The following MYT1L variants were observed in gnomAD, a reference collection of about 807,000 sequenced individuals.
MYT1L encodes the protein myelin transcription factor 1-like protein.
In MYT1L, 12 loss-of-function variants were observed where a neutral mutation model predicts 126.7. That is an observed-to-expected ratio of 0.09 (90% CI 0.06 to 0.15). MYT1L has a LOEUF of 0.15. MYT1L is among the 10% of genes least tolerant of loss of function. The pLI, the probability that MYT1L is intolerant of heterozygous loss-of-function variation, is 1.00. For synonymous variants in MYT1L, 541 were observed against 604.2 expected (o/e 0.90, Z 1.53); for missense variants, 979 against 1,585.2 (o/e 0.62, Z 6.49).
chr2:2,287,073 A>T (rs1039748531), intron 1 of MYT1L, among the ~76,000 whole-genome samples: 2 of 152,142 alleles, frequency 1.3e-5, no homozygotes, highest in Admixed American at 6.5e-5. Context: ...TCTGACCAAC[A>T]TGGAGAAACC....
chr2:1,851,585 C>T, intron 19 of MYT1L, 56 bp downstream of exon 19: 1 of 1,524,822 alleles, frequency 6.6e-7, no homozygotes, highest in Non-Finnish European at 9.1e-7. Flanking sequence ...GAGTGATATT[C>T]CTGCCATTTC....
chr2:1,886,434 A>G, intron 18 of MYT1L, 105 bp downstream of exon 18: 6 of 811,902 alleles, frequency 7.4e-6, no homozygotes, highest in Non-Finnish European at 1.1e-5. Context: ...TGCACAGGCC[A>G]TGTTTTTTAA....
chr2:2,141,662 T>C (rs1353621048), intron 3 of MYT1L, among the ~76,000 whole-genome samples: 1 of 152,198 alleles, frequency 6.6e-6, no homozygotes, highest in Non-Finnish European at 1.5e-5. Context: ...GGGCCAATAA[T>C]AGTTTCTGGC....
intron 3 of MYT1L, among the ~76,000 whole-genome samples, chr2:2,122,523 T>C (rs2147909077): frequency 6.6e-6 from 1 of 152,258 alleles, no homozygotes; most frequent in African/African-American, 2.4e-5. Flanking sequence ...ACATAACACA[T>C]GTGTAACACG....
intron 10 of MYT1L, among the ~76,000 whole-genome samples, chr2:1,920,485 C>T (rs563635336): frequency 2.6e-5 from 4 of 151,842 alleles, no homozygotes; most frequent in South Asian, 2.1e-4. Context: ...ATTTAGGATC[C>T]GGGAGTCTAA....
At chr2:1,841,852 G>A (rs2041772341) in intron 19 of MYT1L, 1 of 152,214 alleles carries the variant, frequency 6.6e-6, no homozygotes, top group Admixed American at 6.5e-5. Flanking sequence ...CAGGCTTCGG[G>A]TTGTGCCTGC....
intron 19 of MYT1L, chr2:1,842,962 C>CGCTTCCGCTTCCAGGT (rs2042003050): frequency 1.8e-5 from 3 of 170,970 alleles, no homozygotes; most frequent in Non-Finnish European, 3.7e-5. Flanking sequence ...CGCTTCCAGG[C>CGCTTCCGCTTCCAGGT]GCGCGGTGCT....
At chr2:2,116,058 C>T (rs915111447) in intron 3 of MYT1L, among the ~76,000 whole-genome samples, 6 of 152,328 alleles carry the variant, frequency 3.9e-5, no homozygotes, top group East Asian at 1.9e-4. Flanking sequence ...GAAAACAGGA[C>T]GAGCCTCAAC....
At chr2:1,957,821 T>C (rs567138734) in intron 8 of MYT1L, among the ~76,000 whole-genome samples, 2 of 152,284 alleles carry the variant, frequency 1.3e-5, no homozygotes, top group African/African-American at 4.8e-5. Flanking sequence ...CAGAGAAAAA[T>C]CATCCTGCAG....
chr2:2,221,899 C>T (rs968617093), intron 2 of MYT1L, among the ~76,000 whole-genome samples: 8 of 152,188 alleles, frequency 5.3e-5, no homozygotes, highest in African/African-American at 1.9e-4. Flanking sequence ...CTCTGTGAAG[C>T]TTCGCAGCAC....
At chr2:2,212,711 G>A (rs1310261747) in intron 2 of MYT1L, among the ~76,000 whole-genome samples, 2 of 152,102 alleles carry the variant, frequency 1.3e-5, no homozygotes, top group Non-Finnish European at 2.9e-5. Context: ...CATTTCTCTA[G>A]TATCGTGTAG....
chr2:2,159,894 A>T (rs182584443), intron 3 of MYT1L, among the ~76,000 whole-genome samples: 138 of 152,190 alleles, frequency 9.1e-4, no homozygotes, highest in Non-Finnish European at 1.6e-3. Flanking sequence ...AACACTCAGC[A>T]GGCTGTGAGT....
At chr2:2,015,379 C>T (rs776229463) in intron 4 of MYT1L, among the ~76,000 whole-genome samples, 3 of 152,174 alleles carry the variant, frequency 2.0e-5, no homozygotes, top group Admixed American at 6.5e-5. Context: ...TTGTTGCCAC[C>T]GTGCTCTAAA....
intron 13 of MYT1L, among the ~76,000 whole-genome samples, chr2:1,906,051 G>T (rs541881013): frequency 7.5e-4 from 114 of 152,126 alleles, no homozygotes; most frequent in Non-Finnish European, 1.2e-3. Context: ...GCTTTTTTAT[G>T]ATTATTTTCA....
At position 2,174,124 on chromosome 2, in the gene MYT1L, A is replaced by C. The variant is rs183942667; in HGVS notation, c.-420-1136T>G. Among the ~76,000 whole-genome samples, 16 of 152,352 alleles carry C rather than the reference A, an allele frequency of 1.1e-4. 2 individuals carry two copies. The highest frequency in any genetic ancestry group is 3.6e-4 in the African/African-American group (15 of 41,588). On this transcript the variant is annotated intron_variant, in intron 2 of 24. Coordinates refer to ENST00000647738, the MANE Select transcript of MYT1L (RefSeq NM_001303052.2). ...AGAGGTTTTAAAATTACCCTGAAAA[A>C]TCAAGGTTCAAAATTTGAATGAGAG...
Position 1,912,763 on chromosome 2 carries a change from CTCTT to C in MYT1L, c.1619-657_1619-654del, listed in dbSNP as rs60167948. Among the ~76,000 whole-genome samples, 31,732 of 151,984 alleles carry C rather than the reference CTCTT, an allele frequency of 0.21. 4,959 individuals are homozygous for C. Among genetic ancestry groups the C allele is most frequent in the African/African-American group, 0.45 (18,598 of 41,332 alleles). ...TGTGAAATTAACAAGCGGGAGAGGC[CTCTT>C]GCATGGACACCTTTTGTGGTGCAAG... On this transcript the variant is annotated intron_variant, in intron 11 of 24. Transcript: ENST00000647738. This position sits in a 1 kb window ranked among gnomAD's most constrained non-coding sequence, Gnocchi z 4.3.
At position 1,798,137 on chromosome 2, in the gene MYT1L, CCATCCGGCACAGGCGCGGCGGTCTCCCT is replaced by C. The variant is rs1158475340; in HGVS notation, c.3276+3531_3276+3558del. Among the ~76,000 whole-genome samples the C allele has an allele frequency of 2.9e-4, 13 of 45,320 alleles. 1 individual carries two copies. The highest frequency in any genetic ancestry group is 1.7e-3 in the South Asian group (1 of 602). 29.7% of individuals were successfully genotyped at this position (45,320 alleles called of 152,430 possible). ...CCGGCACAGGCGCGGCGGTCTCCCTCCATCCGGCACAGGCGCGGCGGTCTCCCTCCATCCGGCACAGGCGCGGCGGTCT... is the reference window on the plus strand; with the variant it reads ...CCGGCACAGGCGCGGCGGTCTCCCTCCCATCCGGCACAGGCGCGGCGGTCT... On this transcript the variant is annotated intron_variant, in intron 23 of 24. Transcript: ENST00000647738.
intron 14 of MYT1L, among the ~76,000 whole-genome samples, chr2:1,892,613 C>T (rs865851988): frequency 2.2e-4 from 33 of 151,504 alleles, no homozygotes; most frequent in Middle Eastern, 3.4e-3. Flanking sequence ...GACAGACACA[C>T]GGCTGGCTAG....
intron 3 of MYT1L, among the ~76,000 whole-genome samples, chr2:2,069,395 C>T (rs988493478): frequency 2.0e-5 from 3 of 152,154 alleles, no homozygotes; most frequent in African/African-American, 7.2e-5. Context: ...CTTCAAAGGA[C>T]ATGAACTCAT....
Sources: allele counts gnomAD v4.1 joint callset (sites outside exome capture counted in the v4.1 genomes callset), GRCh38; gene constraint gnomAD v4.1.1; non-coding constraint Gnocchi (gnomAD v3.1); transcripts MANE v1.5; gene names NCBI Gene and HGNC (gene_info 2026-07-23, HGNC 2026-07-21).